The following PCNT variants were observed in gnomAD, a reference collection of about 807,000 sequenced individuals.
The protein encoded by PCNT is pericentrin, also known as kendrin.
In PCNT, 319 loss-of-function variants were observed where a neutral mutation model predicts 380.4. That is an observed-to-expected ratio of 0.84 (90% confidence interval 0.77 to 0.92). PCNT has a LOEUF of 0.92. PCNT is among the 40% of genes least tolerant of loss of function. The probability of loss-of-function intolerance (pLI) is 0.00; values close to 1 mark genes in which losing one functional copy is unlikely to be tolerated. For missense variants in PCNT, 4,400 were observed against 4,255.3 expected (o/e 1.03, Z -0.95); for synonymous variants, 1,845 against 1,735.2 (o/e 1.06, Z -1.57).
At chr21:46,338,462 G>A (rs1235069603) in intron 3 of PCNT, among the ~76,000 whole-genome samples, 1 of 152,180 alleles carries the variant, frequency 6.6e-6, no homozygotes, top group East Asian at 1.9e-4. Flanking sequence ...ATTCATCCAA[G>A]CTTTAGATTG....
chr21:46,362,152 T>C (rs546157452), intron 13 of PCNT, among the ~76,000 whole-genome samples: 22 of 152,350 alleles, frequency 1.4e-4, no homozygotes, highest in Admixed American at 7.8e-4. Context: ...CTTGTAGCTT[T>C]AGCCGGCTTG....
intron 17 of PCNT, among the ~76,000 whole-genome samples, chr21:46,387,649 G>A (rs1280506180): frequency 6.6e-6 from 1 of 152,098 alleles, no homozygotes; most frequent in Non-Finnish European, 1.5e-5. Context: ...CCCCCTCCCT[G>A]TTATTTGCCC....
chr21:46,404,186 G>T (rs1181148650), intron 27 of PCNT, among the ~76,000 whole-genome samples: 1 of 151,794 alleles, frequency 6.6e-6, no homozygotes, highest in Non-Finnish European at 1.5e-5. Context: ...TGAACACAGC[G>T]TGGGAATGCT....
rs150320677 is a variant in PCNT, at chr21:46,421,337, C to T, written c.7025-633C>T. ...GAAGTCTAACACCCTTTTTCCAGGG[C>T]GCCTCCTCCTCGTCTGGGTCTCGTG... On this transcript the variant is annotated intron_variant, in intron 31 of 46. Transcript: ENST00000359568. Among the ~76,000 whole-genome samples, 40 of 152,324 alleles carry T rather than the reference C, an allele frequency of 2.6e-4. No individual in the cohort carries two copies. In the East Asian group the frequency reaches 6.9e-3, roughly 26 times the overall value.
In PCNT at chr21:46,412,953, G is replaced by T. The variant is rs1010254011; in HGVS notation, c.6111G>T (p.Val2037=). The T allele has an allele frequency of 1.9e-6, 3 of 1,611,222 alleles. No homozygotes were observed. The African/African-American group carries it at 4.0e-5, about 21-fold the overall frequency. The part of the protein sequence containing the change: ...QRQLQSELLL[V]KNEMRLSLED... The stretch of plus-strand genomic sequence containing the variant: ...AGCTGCAGTCGGAGCTGCTCTTGGT[G>T]AAAAATGAAATGCGCCTGAGTCTGG... Residue 2037 remains valine, a synonymous_variant, in exon 29 of 47, where the codon GTG becomes GTT. Coordinates refer to ENST00000359568, the MANE Select transcript of PCNT (RefSeq NM_006031.6).
intron 38 of PCNT, among the ~76,000 whole-genome samples, chr21:46,434,610 G>A (rs867145420): frequency 6.6e-5 from 10 of 152,186 alleles, no homozygotes; most frequent in Admixed American, 2.0e-4. Flanking sequence ...GGTGGGAGTC[G>A]GGCCCTGGGC....
chr21:46,441,033 G>C lies in PCNT; in HGVS notation c.9572G>C (p.Arg3191Pro), dbSNP rs767844895. 2 of 1,614,126 alleles carry C rather than the reference G, an allele frequency of 1.2e-6. No homozygotes were observed. Among genetic ancestry groups the C allele is most frequent in the Non-Finnish European group, 1.7e-6 (2 of 1,180,002 alleles). Reference sequence around the variant, plus strand: ...AAAGCAGAACGGAAAATCACATCTCGTCCTTTCACCAGGTTCCGCACGGCC... The same window carrying C: ...AAAGCAGAACGGAAAATCACATCTCCTCCTTTCACCAGGTTCCGCACGGCC... ...PSKAERKITS[R>P]PFTRFRTAVR... Residue 3191 changes from arginine (R) to proline (P), a missense_variant, in exon 43 of 47, where the codon CGT becomes CCT. By Grantham distance (103) the Arg-to-Pro change is moderately radical. Coordinates refer to ENST00000359568, the MANE Select transcript of PCNT (RefSeq NM_006031.6).
intron 15 of PCNT, among the ~76,000 whole-genome samples, chr21:46,371,372 G>A (rs1264682509): frequency 6.6e-6 from 1 of 151,896 alleles, no homozygotes; most frequent in African/African-American, 2.4e-5. Context: ...ACCACGCCTC[G>A]CTAATTTTTA....
chr21:46,432,195 C>A lies in PCNT; in HGVS notation c.8731C>A (p.Gln2911Lys), dbSNP rs898659540. Residue 2911 changes from glutamine (Q) to lysine (K), a missense_variant, in exon 38 of 47, where the codon CAG (glutamine) becomes AAG (lysine). By Grantham distance (53) the Gln-to-Lys change is moderately conservative. Transcript: ENST00000359568. Reference sequence around the variant, plus strand: ...GGCTGCGGAGCAGTGGAGGAAGTGGCAGAGAGACAAGGAGAAGCTGGTGAG... The same window carrying A: ...GGCTGCGGAGCAGTGGAGGAAGTGGAAGAGAGACAAGGAGAAGCTGGTGAG... ...PAAAEQWRKW[Q>K]RDKEKLRELE... The A allele has an allele frequency of 6.2e-7, 1 of 1,611,332 alleles. No homozygotes were observed. The highest frequency in any genetic ancestry group is 1.7e-5 in the Admixed American group (1 of 59,828).
intron 9 of PCNT, 147 bp from the exon 10 acceptor site, chr21:46,352,957 C>T (rs184325562): frequency 7.0e-6 from 5 of 716,256 alleles, no homozygotes; most frequent in East Asian, 5.4e-5. Flanking sequence ...GAGTCTAAGC[C>T]GTAGGGGTCC....
chr21:46,324,869 T>C, intron 1 of PCNT: 1 of 985,336 alleles, frequency 1.0e-6, no homozygotes. Context: ...GGAGATGCTT[T>C]CCCCGCGCGT....
At chr21:46,372,194 A>ATG (rs2147005637) in intron 15 of PCNT, among the ~76,000 whole-genome samples, 1 of 149,770 alleles carries the variant, frequency 6.7e-6, no homozygotes, top group African/African-American at 2.5e-5. Flanking sequence ...CACACAGCAC[A>ATG]CACACAGAGA....
chr21:46,439,846 C>G (rs542091454), intron 41 of PCNT, among the ~76,000 whole-genome samples: 32 of 152,100 alleles, frequency 2.1e-4, no homozygotes, highest in Non-Finnish European at 3.7e-4. Context: ...TTTTTGCAAT[C>G]ATACTTCAGC....
chr21:46,389,212 G>A lies in PCNT; in HGVS notation c.3621G>A (p.Glu1207=). The A allele has an allele frequency of 1.2e-6, 2 of 1,614,092 alleles. No individual in the cohort carries two copies. Among genetic ancestry groups the A allele is most frequent in the Admixed American group, 1.7e-5 (1 of 60,024 alleles). Residue 1207 remains glutamate, a synonymous_variant, in exon 19 of 47, where the codon GAG becomes GAA. Coordinates refer to ENST00000359568, the MANE Select transcript of PCNT (RefSeq NM_006031.6). The stretch of plus-strand genomic sequence containing the variant: ...CTCATCTTGTAGCTCCGGCGCTGGA[G>A]GAGACATGGTCTGATGTGGCCCTCC... ...GLALSTAPAL[E]ETWSDVALPE...
intron 16 of PCNT, among the ~76,000 whole-genome samples, chr21:46,384,526 G>A (rs1340704402): frequency 3.5e-5 from 5 of 144,428 alleles, no homozygotes; most frequent in African/African-American, 7.6e-5. Context: ...GAGCATTCAC[G>A]GTGTTGTGCG....
In PCNT at chr21:46,422,108, G is replaced by T. The variant is rs150355356; in HGVS notation, c.7163G>T (p.Arg2388Leu). 6.2e-7 allele frequency: 1 copy of T among 1,613,698 alleles called. No homozygotes were observed. Among genetic ancestry groups the T allele is most frequent in the South Asian group, 1.1e-5 (1 of 91,090 alleles). Residue 2388 changes from arginine (R) to leucine (L), a missense_variant, in exon 32 of 47, where the codon CGT becomes CTT. Transcript: ENST00000359568. ...LPEAMKEKEV[R>L]PKHVKALLQM... ...GAAGCCATGAAGGAGAAGGAAGTGCGTCCGAAGCACGTGAAGGTATGGCTG... is the reference window on the plus strand; with the variant it reads ...GAAGCCATGAAGGAGAAGGAAGTGCTTCCGAAGCACGTGAAGGTATGGCTG...
intron 35 of PCNT, among the ~76,000 whole-genome samples, chr21:46,428,953 G>A (rs776503236): frequency 6.6e-6 from 1 of 152,238 alleles, no homozygotes; most frequent in Non-Finnish European, 1.5e-5. Context: ...GTCATCTGTG[G>A]GTAAGTAACG....
chr21:46,345,636 A>C (rs2084040571), intron 3 of PCNT, among the ~76,000 whole-genome samples: 2 of 152,200 alleles, frequency 1.3e-5, no homozygotes, highest in Admixed American at 1.3e-4. Flanking sequence ...TACAGACCTC[A>C]GTGGCACTTA....
chr21:46,423,820 AGGAGGG>A (rs1217811779), intron 32 of PCNT, among the ~76,000 whole-genome samples: 75 of 5,378 alleles, frequency 0.014, 1 homozygote, highest in African/African-American at 0.025. Context: ...GTGGGAGGGG[AGGAGGG>A]GGAGGGGGAG....
Sources: gnomAD v4.1 joint callset for allele counts (sites outside exome capture counted in the v4.1 genomes callset) on GRCh38, gnomAD v4.1.1 for gene constraint, MANE v1.5 for transcripts, NCBI Gene and HGNC (gene_info 2026-07-23, HGNC 2026-07-21) for gene names.